The following TSPAN18 variants were observed in gnomAD, a reference collection of about 807,000 sequenced individuals.
TSPAN18 encodes the protein tetraspanin 18.
In TSPAN18, 14 loss-of-function variants were observed where a neutral mutation model predicts 27.3. The observed-to-expected ratio is 0.51, with a 90% confidence interval of 0.34 to 0.80. The LOEUF is 0.80. Among genes scored for constraint, TSPAN18 ranks in the 30% least tolerant of loss-of-function variants. TSPAN18 has a pLI of 0.01. For missense variants in TSPAN18, 268 were observed against 323.9 expected (o/e 0.83, Z 1.32); for synonymous variants, 143 against 136.5 (o/e 1.05, Z -0.33).
intron 3 of TSPAN18, among the ~76,000 whole-genome samples, chr11:44,864,232 A>G (rs1857973042): frequency 6.9e-6 from 1 of 144,498 alleles, no homozygotes; most frequent in Non-Finnish European, 1.5e-5. Flanking sequence ...GGTTGCAGTG[A>G]GCCAAGACCG....
At chr11:44,880,520 C>T (rs1333250191) in intron 3 of TSPAN18, among the ~76,000 whole-genome samples, 2 of 152,232 alleles carry the variant, frequency 1.3e-5, no homozygotes, top group Non-Finnish European at 2.9e-5. Context: ...GGCATATTCA[C>T]CCAGTGTGAG....
intron 2 of TSPAN18, among the ~76,000 whole-genome samples, chr11:44,800,167 T>A (rs1856448582): frequency 6.6e-6 from 1 of 152,052 alleles, no homozygotes; most frequent in South Asian, 2.1e-4. Context: ...TGGCAAGTAC[T>A]TATTGAGCCA....
intron 1 of TSPAN18, among the ~76,000 whole-genome samples, chr11:44,748,848 C>T (rs188567838): frequency 6.6e-6 from 1 of 152,296 alleles, no homozygotes; most frequent in Non-Finnish European, 1.5e-5. Flanking sequence ...GATCCACTTC[C>T]TTTTGGTGTG....
In TSPAN18 at chr11:44,906,544, A is replaced by G. The variant is rs1164201096; in HGVS notation, c.63+65A>G. On this transcript the variant is annotated intron_variant, in intron 4 of 9. Transcript: ENST00000520358. Reference sequence around the variant, plus strand: ...GCAGAACTGGCTGCTGCTTTGAAATAGTCACACTGGGCTGAGTCCCTGGGG... The same window carrying G: ...GCAGAACTGGCTGCTGCTTTGAAATGGTCACACTGGGCTGAGTCCCTGGGG... 2.1e-6 allele frequency: 3 copies of G among 1,450,748 alleles called. No individual in the cohort carries two copies. In the Admixed American group the frequency reaches 5.0e-5, roughly 24 times the overall value. The allele number at this position is 1,450,748 out of a possible 1,614,324, so 89.9% of individuals were successfully genotyped here.
At chr11:44,728,804 G>A (rs936462058) in intron 1 of TSPAN18, among the ~76,000 whole-genome samples, 2 of 152,168 alleles carry the variant, frequency 1.3e-5, no homozygotes, top group Non-Finnish European at 1.5e-5. Context: ...TCATGTGCGG[G>A]GCTAACATTG....
chr11:44,795,967 CAG>C (rs1207837695), intron 2 of TSPAN18, among the ~76,000 whole-genome samples: 1 of 152,130 alleles, frequency 6.6e-6, no homozygotes, highest in Non-Finnish European at 1.5e-5. Context: ...TCCCAAACCT[CAG>C]GGGTGAGCCA....
chr11:44,887,188 C>T (rs1212651820), intron 3 of TSPAN18, among the ~76,000 whole-genome samples: 1 of 152,210 alleles, frequency 6.6e-6, no homozygotes, highest in Non-Finnish European at 1.5e-5. Context: ...AATCCAGGGC[C>T]CCTGCCCCAT....
intron 5 of TSPAN18, among the ~76,000 whole-genome samples, chr11:44,917,186 CCTG>C (rs1411927037): frequency 6.6e-6 from 1 of 152,164 alleles, no homozygotes; most frequent in Non-Finnish European, 1.5e-5. Flanking sequence ...GAGGGTTCTC[CCTG>C]CTTAGGGAAG....
chr11:44,862,947 A>G (rs1857936624), intron 3 of TSPAN18, among the ~76,000 whole-genome samples: 1 of 152,100 alleles, frequency 6.6e-6, no homozygotes, highest in African/African-American at 2.4e-5. Flanking sequence ...TGGAGTGTGC[A>G]CCTGTTAATA....
At position 44,906,566 on chromosome 11, in the gene TSPAN18, G is replaced by T. The variant is rs573903833; in HGVS notation, c.63+87G>T. On this transcript the variant is annotated intron_variant, in intron 4 of 9. Coordinates refer to ENST00000520358, the MANE Select transcript of TSPAN18 (RefSeq NM_130783.5). ...AATAGTCACACTGGGCTGAGTCCCTGGGGCGAGCACAGGGGCCGGCGCTAG... is the reference window on the plus strand; with the variant it reads ...AATAGTCACACTGGGCTGAGTCCCTTGGGCGAGCACAGGGGCCGGCGCTAG... 4 of 1,335,740 alleles carry T rather than the reference G, an allele frequency of 3.0e-6. No individual in the cohort carries two copies. The Admixed American group carries it at 6.8e-5, about 23-fold the overall frequency. 82.7% of individuals were successfully genotyped at this position (1,335,740 alleles called of 1,614,324 possible). A position where few individuals can be genotyped will look rare whatever the true frequency, so the allele number is the denominator to read the frequency against.
intron 2 of TSPAN18, among the ~76,000 whole-genome samples, chr11:44,779,276 G>A (rs549576208): frequency 1.2e-4 from 19 of 152,216 alleles, no homozygotes; most frequent in African/African-American, 2.6e-4. Context: ...CTTTACCCTC[G>A]GGATTCTGAA....
intron 3 of TSPAN18, among the ~76,000 whole-genome samples, chr11:44,903,056 C>T (rs4755294): frequency 0.34 from 51,371 of 151,990 alleles, 9,454 homozygotes; most frequent in East Asian, 0.63. Flanking sequence ...GGCACAGCCA[C>T]GACTCTGCTC....
intron 2 of TSPAN18, among the ~76,000 whole-genome samples, chr11:44,804,285 G>A (rs777570006): frequency 2.0e-5 from 3 of 152,270 alleles, no homozygotes; most frequent in Middle Eastern, 3.4e-3. Flanking sequence ...TGTATTTTTA[G>A]TTTCACCATG....
At chr11:44,796,235 A>T (rs998732215) in intron 2 of TSPAN18, among the ~76,000 whole-genome samples, 2 of 152,114 alleles carry the variant, frequency 1.3e-5, no homozygotes, top group African/African-American at 2.4e-5. Context: ...ATTATTTATG[A>T]TCATTATTTA....
intron 3 of TSPAN18, among the ~76,000 whole-genome samples, chr11:44,895,791 G>A (rs1859022888): frequency 6.6e-6 from 1 of 152,196 alleles, no homozygotes; most frequent in African/African-American, 2.4e-5. Context: ...AGACGGAGAT[G>A]AGGCAGGGAA....
chr11:44,896,149 A>G (rs1296468211), intron 3 of TSPAN18, among the ~76,000 whole-genome samples: 1 of 152,028 alleles, frequency 6.6e-6, no homozygotes, highest in African/African-American at 2.4e-5. Flanking sequence ...GGGATGGGTA[A>G]ATGGGGAGGA....
chr11:44,733,115 A>T (rs1258157509), intron 1 of TSPAN18, among the ~76,000 whole-genome samples: 2 of 152,230 alleles, frequency 1.3e-5, no homozygotes, highest in Non-Finnish European at 2.9e-5. Flanking sequence ...CAGAACTGTC[A>T]TCTGGCCCCA....
chr11:44,729,170 A>G (rs1854591698), intron 1 of TSPAN18, among the ~76,000 whole-genome samples: 1 of 152,332 alleles, frequency 6.6e-6, no homozygotes. Flanking sequence ...ATAGAAGAGG[A>G]GGAGGAGAGA....
At chr11:44,887,549 A>G (rs1210479824) in intron 3 of TSPAN18, among the ~76,000 whole-genome samples, 1 of 152,216 alleles carries the variant, frequency 6.6e-6, no homozygotes, top group Admixed American at 6.5e-5. Context: ...CACAGTGTCC[A>G]CTGCACAGTA....
Sources: gnomAD v4.1 joint callset for allele counts (sites outside exome capture counted in the v4.1 genomes callset) on GRCh38, gnomAD v4.1.1 for gene constraint, MANE v1.5 for transcripts, NCBI Gene and HGNC (gene_info 2026-07-23, HGNC 2026-07-21) for gene names.